RBL2: variants seen among roughly 807,000 people sequenced by gnomAD.
The protein encoded by RBL2 is RB transcriptional corepressor like 2.
A neutral mutation model predicts 126.0 loss-of-function variants in RBL2; 56 were observed. The observed-to-expected ratio is 0.44, with a 90% CI of 0.36 to 0.56. The LOEUF is 0.56. RBL2 is among the 20% of genes least tolerant of loss of function. The pLI is 0.00. For synonymous variants in RBL2, 454 were observed against 478.5 expected (o/e 0.95, Z 0.67); for missense variants, 1,229 against 1,398.2 (o/e 0.88, Z 1.93).
chr16:53,444,839 C>G (rs2058047342), intron 3 of RBL2, among the ~76,000 whole-genome samples: 1 of 152,132 alleles, frequency 6.6e-6, no homozygotes, highest in African/African-American at 2.4e-5. Flanking sequence ...CAGAGTGAGA[C>G]TTCGTCTCCA....
At chr16:53,438,982 T>G in intron 1 of RBL2, 34 bp from the exon 2 acceptor site, 2 of 1,442,790 alleles carry the variant, frequency 1.4e-6, no homozygotes, top group Non-Finnish European at 1.9e-6. Flanking sequence ...TATGTAGCTT[T>G]TTAACTAAAA....
rs1960852192 is a variant in RBL2, at chr16:53,479,288, T to G, written c.2775+63T>G. On this transcript the variant is annotated intron_variant, in intron 18 of 21. Coordinates refer to ENST00000262133, the MANE Select transcript of RBL2 (RefSeq NM_005611.4). The stretch of plus-strand genomic sequence containing the variant: ...TAAAGTCTGTGATGAATACAAAAAA[T>G]TAACCATAGTTGACTCTGTGGCCTT... 11 of 1,443,944 alleles carry G rather than the reference T, an allele frequency of 7.6e-6. No homozygotes were observed. The South Asian group carries it at 1.3e-4, about 17-fold the overall frequency. The allele number at this position is 1,443,944 out of a possible 1,614,324, so 89.4% of individuals were successfully genotyped here. A position where few individuals can be genotyped will look rare whatever the true frequency, so the allele number is the denominator to read the frequency against.
At position 53,447,088 on chromosome 16, in the gene RBL2, CT is replaced by C; in HGVS notation, c.624del (p.Phe208LeufsTer10). ...TGAAATTTTCCATTTTTGTTGGGTG[CT>C]TTTTATATATGCAAAAGGTAAGAAA... ...VSEIFHFCWV[L>X]FIYAKGNFPM... On this transcript the variant is annotated frameshift_variant, in exon 4 of 22. Coordinates refer to ENST00000262133, the MANE Select transcript of RBL2 (RefSeq NM_005611.4). LOFTEE classifies it high-confidence loss of function. The C allele has an allele frequency of 1.9e-6, 3 of 1,573,134 alleles. No homozygotes were observed. The highest frequency in any genetic ancestry group is 2.6e-6 in the Non-Finnish European group (3 of 1,151,428).
At chr16:53,460,898 T>G (rs1357200582) in intron 9 of RBL2, among the ~76,000 whole-genome samples, 4 of 152,352 alleles carry the variant, frequency 2.6e-5, no homozygotes, top group South Asian at 4.1e-4. Flanking sequence ...TGATAATTTG[T>G]ATAATGCTTC....
chr16:53,471,507 T>C (rs564710824), intron 17 of RBL2, among the ~76,000 whole-genome samples: 1 of 152,258 alleles, frequency 6.6e-6, no homozygotes, highest in South Asian at 2.1e-4. Flanking sequence ...TTCATTCTTG[T>C]CACCCAGGCT....
intron 17 of RBL2, among the ~76,000 whole-genome samples, chr16:53,473,898 C>T (rs978423516): frequency 2.6e-5 from 4 of 151,980 alleles, no homozygotes; most frequent in East Asian, 3.9e-4. Context: ...TTGAGATGAT[C>T]GTGTGCTTAT....
At position 53,458,931 on chromosome 16, in the gene RBL2, G is replaced by A. The variant is rs981927266; in HGVS notation, c.1180-520G>A. Among the ~76,000 whole-genome samples the A allele has an allele frequency of 6.6e-5, 10 of 152,294 alleles. No individual in the cohort carries two copies. The East Asian group carries it at 1.3e-3, about 21-fold the overall frequency. Reference sequence around the variant, plus strand: ...GAAATACAATTCAAGTTGAGGCTTCGATGCAGACATAGCCAAACCATATCA... The same window carrying A: ...GAAATACAATTCAAGTTGAGGCTTCAATGCAGACATAGCCAAACCATATCA... On this transcript the variant is annotated intron_variant, in intron 8 of 21. Transcript: ENST00000262133.
At chr16:53,435,800 T>A (rs2057953361) in intron 1 of RBL2, 1 of 1,204,252 alleles carries the variant, frequency 8.3e-7, no homozygotes, top group South Asian at 1.3e-5. Flanking sequence ...AGGTTATTTT[T>A]AATTTGTATT....
rs376381245 is a variant in RBL2, at chr16:53,481,675, A to C, written c.3089A>C (p.Asp1030Ala). 3 of 1,594,356 alleles carry C rather than the reference A, an allele frequency of 1.9e-6. No individual in the cohort carries two copies. The highest frequency in any genetic ancestry group is 3.6e-5 in the Admixed American group (2 of 55,486). Residue 1030 changes from aspartate to alanine, a missense_variant, in exon 21 of 22, where the codon GAT (aspartate) becomes GCT (alanine). Physicochemically the swap from Asp to Ala is moderately radical, Grantham distance 126. Transcript: ENST00000262133. ...TGATTTTTTTTTTTTAAACAGATGG[A>C]TGCTCCTCCACTCTCTCCCTATCCA... The part of the protein sequence containing the change: ...FAMKYSQANM[D>A]APPLSPYPFV...
chr16:53,435,172 T>C (rs770601801), intron 1 of RBL2, among the ~76,000 whole-genome samples: 20 of 152,074 alleles, frequency 1.3e-4, no homozygotes, highest in African/African-American at 4.8e-5. Flanking sequence ...CTTGCCCTTA[T>C]TTGCACCGCG....
chr16:53,456,649 C>A (rs1258871275), intron 8 of RBL2, among the ~76,000 whole-genome samples: 1 of 152,242 alleles, frequency 6.6e-6, no homozygotes, highest in Non-Finnish European at 1.5e-5. Context: ...TCCCTCCTCA[C>A]CCACTTATGC....
rs1380675982 is a variant in RBL2, at chr16:53,443,380, G to GATT, written c.572+525_572+527dup. ...ATTAACCACTATATTTTCTACTAGT[G>GATT]ATTATATAGACTATTTTATGTCAAA... On this transcript the variant is annotated intron_variant, in intron 3 of 21. Coordinates refer to ENST00000262133, the MANE Select transcript of RBL2 (RefSeq NM_005611.4). The GATT allele has an allele frequency of 2.0e-5, 3 of 152,232 alleles. No homozygotes were observed. In the East Asian group the frequency reaches 5.8e-4, roughly 29 times the overall value. The allele number at this position is 152,232 out of a possible 1,614,324, so 9.4% of individuals were successfully genotyped here.
At chr16:53,438,150 A>G (rs1050073231) in intron 1 of RBL2, among the ~76,000 whole-genome samples, 1 of 152,220 alleles carries the variant, frequency 6.6e-6, no homozygotes, top group African/African-American at 2.4e-5. Context: ...TTCTGTGAGT[A>G]AGGAATTCAG....
Position 53,481,820 on chromosome 16 carries a change from C to A in RBL2, c.3234C>A (p.Ser1078Arg). Residue 1078 changes from serine to arginine, a missense_variant, in exon 21 of 22, where the codon AGC becomes AGA. Coordinates refer to ENST00000262133, the MANE Select transcript of RBL2 (RefSeq NM_005611.4). ...SPREKIFYYF[S>R]NSPSKRLREI... ...GAGAAAAGATTTTCTATTACTTCAG[C>A]AACAGTCCTTCAAAGGTGAGCCTAA... The A allele has an allele frequency of 6.3e-7, 1 of 1,583,630 alleles. No individual in the cohort carries two copies. Among genetic ancestry groups the A allele is most frequent in the Non-Finnish European group, 8.7e-7 (1 of 1,152,414 alleles).
In RBL2 at chr16:53,479,092, G is replaced by A. The variant is rs1258356853; in HGVS notation, c.2704-62G>A. The stretch of plus-strand genomic sequence containing the variant: ...TTTTACTGGGCAGCAGGTTCACAGA[G>A]CTCCTCACACTATTATGGTGGTAGT... On this transcript the variant is annotated intron_variant, in intron 17 of 21. Coordinates refer to ENST00000262133, the MANE Select transcript of RBL2 (RefSeq NM_005611.4). The A allele has an allele frequency of 3.0e-6, 4 of 1,330,364 alleles. No individual in the cohort carries two copies. The African/African-American group carries it at 5.8e-5, about 19-fold the overall frequency. 82.4% of individuals were successfully genotyped at this position (1,330,364 alleles called of 1,614,324 possible). A position where few individuals can be genotyped will look rare whatever the true frequency, so the allele number is the denominator to read the frequency against.
rs767989672 is a variant in RBL2, at chr16:53,442,706, T to C, written c.420T>C (p.Asn140=). Residue 140 remains asparagine, a synonymous_variant, in exon 3 of 22, where the codon AAT becomes AAC. Transcript: ENST00000262133. ...TGAAGAAGTGGGAAGACATGGCAAATCTACCCCCACATTTCAGAGAACGTA... is the reference window on the plus strand; with the variant it reads ...TGAAGAAGTGGGAAGACATGGCAAACCTACCCCCACATTTCAGAGAACGTA... The part of the protein sequence containing the change: ...NKMKKWEDMA[N]LPPHFRERTE... 3 of 1,613,920 alleles carry C rather than the reference T, an allele frequency of 1.9e-6. No homozygotes were observed. The highest frequency in any genetic ancestry group is 2.2e-5 in the South Asian group (2 of 91,030).
intron 17 of RBL2, among the ~76,000 whole-genome samples, chr16:53,474,714 A>G (rs1960661487): frequency 6.6e-6 from 1 of 152,228 alleles, no homozygotes; most frequent in African/African-American, 2.4e-5. Flanking sequence ...AAGTTTCCAC[A>G]TGCAGCAGTG....
At chr16:53,450,184 CTCTT>C (rs1177779932) in intron 4 of RBL2, among the ~76,000 whole-genome samples, 48 of 152,164 alleles carry the variant, frequency 3.2e-4, no homozygotes, top group Middle Eastern at 3.4e-3. Context: ...TATCGTTTGC[CTCTT>C]TGGCAGAGAA....
intron 8 of RBL2, among the ~76,000 whole-genome samples, chr16:53,455,525 G>A (rs1196399827): frequency 6.6e-6 from 1 of 152,216 alleles, no homozygotes; most frequent in Non-Finnish European, 1.5e-5. Flanking sequence ...AAATAACCAC[G>A]AGAACCCTGT....
Sources: gnomAD v4.1 joint callset for allele counts (sites outside exome capture counted in the v4.1 genomes callset) on GRCh38, gnomAD v4.1.1 for gene constraint, MANE v1.5 for transcripts, NCBI Gene and HGNC (gene_info 2026-07-23, HGNC 2026-07-21) for gene names.